AHRR: variants seen among roughly 807,000 people sequenced by gnomAD.
AHRR encodes aryl hydrocarbon receptor repressor, also known as ahR repressor.
A neutral mutation model predicts 44.0 loss-of-function variants in AHRR; 28 were observed. That is an observed-to-expected ratio of 0.64 (90% CI 0.47 to 0.87). The LOEUF (loss-of-function observed/expected upper bound fraction) is 0.87. Ranked by LOEUF, AHRR falls within the 40% of genes least tolerant of loss-of-function variation. AHRR has a pLI of 0.00. For missense variants in AHRR, 990 were observed against 953.9 expected (o/e 1.04, Z -0.50); for synonymous variants, 434 against 407.0 (o/e 1.07, Z -0.80).
In AHRR at chr5:326,852, A is replaced by C. The variant is rs1052084095; in HGVS notation, c.-11+5033A>C. On this transcript the variant is annotated intron_variant, in intron 1 of 10. Coordinates refer to ENST00000684583, the MANE Select transcript of AHRR (RefSeq NM_001377236.1). The surrounding 1 kb of genome is among the most constrained non-coding windows in gnomAD (Gnocchi z 4.1). ...GGCAGGCGGATCACTTGAGGTCGGG[A>C]GTTCGAGACCAGCCTGACCAATATG... Among the ~76,000 whole-genome samples, 3 of 152,160 alleles carry C rather than the reference A, an allele frequency of 2.0e-5. No homozygotes were observed. The highest frequency in any genetic ancestry group is 4.4e-5 in the Non-Finnish European group (3 of 68,028).
rs1429716009 is a variant in AHRR, at chr5:375,072, C to T, written c.245-1538C>T. ...CCTTCCTGGAAGTCCAGGAGGATTC[C>T]TGGGAGCAGGAGCCAGTGACCCACA... On this transcript the variant is annotated intron_variant, in intron 3 of 10. Transcript: ENST00000684583. Among the ~76,000 whole-genome samples, 15 of 152,272 alleles carry T rather than the reference C, an allele frequency of 9.9e-5. No individual in the cohort carries two copies. In the East Asian group the frequency reaches 2.7e-3, roughly 27 times the overall value.
intron 4 of AHRR, among the ~76,000 whole-genome samples, chr5:398,918 G>A (rs576130796): frequency 2.6e-5 from 4 of 152,298 alleles, no homozygotes; most frequent in Admixed American, 6.5e-5. Context: ...GTGCACCTGG[G>A]ACCCCCCTGC....
At chr5:393,568 C>T (rs1052869221) in intron 4 of AHRR, among the ~76,000 whole-genome samples, 2 of 152,200 alleles carry the variant, frequency 1.3e-5, no homozygotes, top group Admixed American at 1.3e-4. Context: ...CCTGGTGGGT[C>T]TGCTCTTTCC....
chr5:376,545 T>TGAAC, intron 3 of AHRR, 65 bp from the exon 4 acceptor site: 2 of 1,402,572 alleles, frequency 1.4e-6, no homozygotes, highest in Non-Finnish European at 1.9e-6. Flanking sequence ...AGGAAAGATG[T>TGAAC]GAATGAAGAA....
chr5:345,573 TGTGTGTGG>T (rs1235538381), intron 2 of AHRR, among the ~76,000 whole-genome samples: 16 of 147,866 alleles, frequency 1.1e-4, no homozygotes, highest in African/African-American at 2.5e-4. Flanking sequence ...GATGTGTGGG[TGTGTGTGG>T]GTGTGTGGGG....
chr5:353,230 C>A (rs561732934), intron 2 of AHRR, among the ~76,000 whole-genome samples: 2 of 152,182 alleles, frequency 1.3e-5, no homozygotes, highest in African/African-American at 2.4e-5. Context: ...AAGCTCGGAG[C>A]GGCCTTGGGC....
chr5:350,795 G>T (rs1221043289), intron 2 of AHRR, among the ~76,000 whole-genome samples: 1 of 146,850 alleles, frequency 6.8e-6, no homozygotes, highest in Non-Finnish European at 1.5e-5. Flanking sequence ...AAAAAAAGAA[G>T]TGGAAAGGTA....
At chr5:429,912 C>G (rs773015588) in intron 8 of AHRR, among the ~76,000 whole-genome samples, 2 of 152,224 alleles carry the variant, frequency 1.3e-5, no homozygotes, top group Non-Finnish European at 2.9e-5. Flanking sequence ...CCTGTGTTGG[C>G]TGAGCGCTCT....
At chr5:425,462 C>T (rs1458148616) in intron 7 of AHRR, among the ~76,000 whole-genome samples, 7 of 152,286 alleles carry the variant, frequency 4.6e-5, no homozygotes, top group South Asian at 2.1e-4. Context: ...GGACTACAGG[C>T]GCCTGCCACC....
intron 3 of AHRR, 31 bp downstream of exon 3, chr5:353,942 C>T: frequency 6.3e-7 from 1 of 1,589,552 alleles, no homozygotes; most frequent in African/African-American, 1.3e-5. Context: ...CACCTGTTCA[C>T]TTGAGTCAGG....
rs1470983525 is a variant in AHRR, at chr5:387,750, C to T, written c.351+11034C>T. On this transcript the variant is annotated intron_variant, in intron 4 of 10. Transcript: ENST00000684583. The surrounding 1 kb of genome is among the most constrained non-coding windows in gnomAD (Gnocchi z 5.1). ...TCGTGTGTCCATACGCTGTACCTGC[C>T]GGAACTTGGCGACACCATGTCAGCT... 1.3e-5 allele frequency among the ~76,000 whole-genome samples: 2 copies of T among 152,218 alleles called. No individual in the cohort carries two copies. Among genetic ancestry groups the T allele is most frequent in the Non-Finnish European group, 1.5e-5 (1 of 68,036 alleles).
intron 1 of AHRR, among the ~76,000 whole-genome samples, chr5:323,116 C>G (rs1459547163): frequency 6.6e-6 from 1 of 152,224 alleles, no homozygotes; most frequent in Non-Finnish European, 1.5e-5. Flanking sequence ...TGGTCCCCGG[C>G]TGAGCCCCTG....
At position 383,301 on chromosome 5, in the gene AHRR, T is replaced by C. The variant is rs975338648; in HGVS notation, c.351+6585T>C. On this transcript the variant is annotated intron_variant, in intron 4 of 10. Coordinates refer to ENST00000684583, the MANE Select transcript of AHRR (RefSeq NM_001377236.1). The surrounding 1 kb of genome is among the most constrained non-coding windows in gnomAD (Gnocchi z 4.0). ...CTTGTTGTGTTCAGGTTATTCTTGA[T>C]TTCCTATCTAGTCTCAACCTGAGAG... Among the ~76,000 whole-genome samples, 9 of 152,258 alleles carry C rather than the reference T, an allele frequency of 5.9e-5. No individual in the cohort carries two copies. The highest frequency in any genetic ancestry group is 2.2e-4 in the African/African-American group (9 of 41,474).
rs1742474644 is a variant in AHRR at position 344,104 on chromosome 5, G to C, written c.62+140G>C. The C allele has an allele frequency of 6.1e-6, 5 of 814,232 alleles. No homozygotes were observed. In the South Asian group the frequency reaches 8.5e-5, roughly 14 times the overall value. 50.4% of individuals were successfully genotyped at this position (814,232 alleles called of 1,614,324 possible). ...GCCGGGCGGGCCGGGGCTGAGCTCC[G>C]GCGCGGGCGGCGCAGGAGTCGTCTC... On this transcript the variant is annotated intron_variant, in intron 2 of 10. Transcript: ENST00000684583.
rs1560904315 is a variant in AHRR at position 391,421 on chromosome 5, ACGGGGGCAGGGCGAGG to A, written c.351+14710_351+14725del. ...AGGGCGAGGCAGGGCCAGAGCGTGCACGGGGGCAGGGCGAGGCGGGCGCAGGGCGAGGCAGGGCCAG... is the reference window on the plus strand; with the variant it reads ...AGGGCGAGGCAGGGCCAGAGCGTGCACGGGCGCAGGGCGAGGCAGGGCCAG... On this transcript the variant is annotated intron_variant, in intron 4 of 10. Transcript: ENST00000684583. 4.5e-4 allele frequency among the ~76,000 whole-genome samples: 49 copies of A among 109,490 alleles called. 1 individual carries two copies. Among genetic ancestry groups the A allele is most frequent in the African/African-American group, 2.5e-3 (43 of 17,090 alleles). 71.8% of individuals were successfully genotyped at this position (109,490 alleles called of 152,430 possible).
intron 1 of AHRR, among the ~76,000 whole-genome samples, chr5:340,395 G>C (rs2126351076): frequency 6.6e-6 from 1 of 151,862 alleles, no homozygotes; most frequent in Non-Finnish European, 1.5e-5. Context: ...GGAAGTCCAA[G>C]ATCAAGGTGC....
intron 1 of AHRR, among the ~76,000 whole-genome samples, chr5:329,303 A>G (rs1209289618): frequency 6.6e-6 from 1 of 151,990 alleles, no homozygotes; most frequent in Non-Finnish European, 1.5e-5. Context: ...GGCCCAAGAG[A>G]TTGTCTGGCC....
chr5:405,373 C>T lies in AHRR; in HGVS notation c.352-7971C>T, dbSNP rs887273923. ...AACGTGGTGGAGTTCAGGGTGATAACGATGGGCTTCTTTACTGATGCCAAA... is the reference window on the plus strand; with the variant it reads ...AACGTGGTGGAGTTCAGGGTGATAATGATGGGCTTCTTTACTGATGCCAAA... On this transcript the variant is annotated intron_variant, in intron 4 of 10. Transcript: ENST00000684583. The surrounding 1 kb of genome is among the most constrained non-coding windows in gnomAD (Gnocchi z 4.5). Among the ~76,000 whole-genome samples, 1 of 152,172 alleles carries T rather than the reference C, an allele frequency of 6.6e-6. No individual in the cohort carries two copies. Among genetic ancestry groups the T allele is most frequent in the Non-Finnish European group, 1.5e-5 (1 of 68,044 alleles).
chr5:361,110 A>G (rs1267444155), intron 3 of AHRR, among the ~76,000 whole-genome samples: 2 of 152,178 alleles, frequency 1.3e-5, no homozygotes, highest in Non-Finnish European at 1.5e-5. Flanking sequence ...TTAGCCAGGC[A>G]TGGTGGTGGG....
Sources: allele counts gnomAD v4.1 joint callset (sites outside exome capture counted in the v4.1 genomes callset), GRCh38; gene constraint gnomAD v4.1.1; non-coding constraint Gnocchi (gnomAD v3.1); transcripts MANE v1.5; gene names NCBI Gene and HGNC (gene_info 2026-07-23, HGNC 2026-07-21).